Variants in CADM2 observed in about 807,000 individuals in gnomAD.
The protein encoded by CADM2 is cell adhesion molecule 2.
In CADM2, 12 loss-of-function variants were observed where a neutral mutation model predicts 49.8. The observed-to-expected ratio is 0.24, with a 90% confidence interval of 0.15 to 0.39. The LOEUF (loss-of-function observed/expected upper bound fraction) is 0.39. CADM2 is among the 10% of genes least tolerant of loss of function. The pLI is 1.00. For missense variants in CADM2, 378 were observed against 492.3 expected (o/e 0.77, Z 2.20); for synonymous variants, 214 against 175.4 (o/e 1.22, Z -1.74).
chr3:85,058,951 T>G (rs1013509434), intron 1 of CADM2, among the ~76,000 whole-genome samples: 7 of 151,626 alleles, frequency 4.6e-5, no homozygotes, highest in Non-Finnish European at 7.4e-5. Flanking sequence ...ACTAAAAATA[T>G]ATAGTATTCT....
intron 1 of CADM2, among the ~76,000 whole-genome samples, chr3:85,499,308 G>T (rs575092306): frequency 6.6e-6 from 1 of 151,952 alleles, no homozygotes. Flanking sequence ...TCGTTTTTCA[G>T]TCATCATGAC....
intron 1 of CADM2, among the ~76,000 whole-genome samples, chr3:85,283,709 T>G (rs373970443): frequency 6.6e-6 from 1 of 152,262 alleles, no homozygotes; most frequent in African/African-American, 2.4e-5. Flanking sequence ...AAATAGAGTA[T>G]ACTTTGCTTC....
intron 1 of CADM2, among the ~76,000 whole-genome samples, chr3:85,192,808 A>G (rs1241545928): frequency 6.6e-6 from 1 of 151,986 alleles, no homozygotes; most frequent in Non-Finnish European, 1.5e-5. Flanking sequence ...TTAATGTTAG[A>G]TAACAGAGAA....
intron 1 of CADM2, among the ~76,000 whole-genome samples, chr3:85,251,416 A>G (rs533094365): frequency 2.6e-5 from 4 of 152,064 alleles, no homozygotes; most frequent in Admixed American, 2.6e-4. Flanking sequence ...AATGTGTCAC[A>G]TAGACAAGGA....
intron 1 of CADM2, among the ~76,000 whole-genome samples, chr3:85,039,012 A>T (rs1205601833): frequency 6.6e-6 from 1 of 152,116 alleles, no homozygotes; most frequent in Admixed American, 6.6e-5. Context: ...TGTTGTTTTC[A>T]TTATTTTCTT....
chr3:85,347,280 G>A lies in CADM2; in HGVS notation c.62-379242G>A, dbSNP rs184275905. ...TGCAAATTGCAAATTATACTTAATA[G>A]CAATGATCAAAAGGCTGGAGGCATA... On this transcript the variant is annotated intron_variant, in intron 1 of 9. Coordinates refer to ENST00000383699, the MANE Select transcript of CADM2 (RefSeq NM_001167675.2). Among the ~76,000 whole-genome samples, 569 of 127,306 alleles carry A rather than the reference G, an allele frequency of 4.5e-3. 3 individuals are homozygous for A. The highest frequency in any genetic ancestry group is 0.016 in the Middle Eastern group (3 of 182). The allele number at this position is 127,306 out of a possible 152,430, so 83.5% of individuals were successfully genotyped here.
intron 1 of CADM2, among the ~76,000 whole-genome samples, chr3:85,473,326 T>A (rs2038846096): frequency 6.6e-6 from 1 of 152,054 alleles, no homozygotes; most frequent in South Asian, 2.1e-4. Flanking sequence ...TGGACACAGC[T>A]GTCGATAAAA....
At chr3:85,449,721 G>T (rs908018890) in intron 1 of CADM2, among the ~76,000 whole-genome samples, 4 of 151,886 alleles carry the variant, frequency 2.6e-5, no homozygotes, top group African/African-American at 9.7e-5. Context: ...TAAAATTCTC[G>T]TATTTCACAA....
chr3:85,588,369 G>A (rs2107328277), intron 1 of CADM2, among the ~76,000 whole-genome samples: 1 of 151,964 alleles, frequency 6.6e-6, no homozygotes, highest in East Asian at 1.9e-4. Flanking sequence ...TTGATTGGAG[G>A]GAAAATACTC....
intron 1 of CADM2, among the ~76,000 whole-genome samples, chr3:85,611,263 G>C (rs1166828213): frequency 6.7e-6 from 1 of 148,896 alleles, no homozygotes; most frequent in Non-Finnish European, 1.5e-5. Context: ...TTTTTTTTCT[G>C]TGAAAGCATA....
intron 1 of CADM2, among the ~76,000 whole-genome samples, chr3:85,098,184 T>C (rs183159378): frequency 1.2e-3 from 185 of 152,120 alleles, no homozygotes; most frequent in African/African-American, 4.2e-3. Flanking sequence ...GTGCAATCTA[T>C]TGCTTGCTGC....
chr3:85,434,402 T>A (rs1242030105), intron 1 of CADM2, among the ~76,000 whole-genome samples: 1 of 151,944 alleles, frequency 6.6e-6, no homozygotes, highest in Non-Finnish European at 1.5e-5. Flanking sequence ...TGATTATCTT[T>A]GAAAAATTTG....
At chr3:85,466,692 C>T (rs970621350) in intron 1 of CADM2, among the ~76,000 whole-genome samples, 33 of 151,828 alleles carry the variant, frequency 2.2e-4, no homozygotes, top group African/African-American at 7.5e-4. Context: ...AGGAGATAAA[C>T]ATTTTGCCAA....
intron 1 of CADM2, among the ~76,000 whole-genome samples, chr3:85,010,162 A>G (rs527940744): frequency 2.3e-4 from 35 of 152,294 alleles, no homozygotes; most frequent in African/African-American, 7.9e-4. Flanking sequence ...ATAGGGTTGT[A>G]GAAAGTGGAG....
intron 1 of CADM2, among the ~76,000 whole-genome samples, chr3:85,283,706 G>A (rs1259927773): frequency 6.6e-6 from 1 of 152,064 alleles, no homozygotes; most frequent in Non-Finnish European, 1.5e-5. Context: ...ACAAAATAGA[G>A]TATACTTTGC....
chr3:85,745,831 T>C (rs1034163082), intron 2 of CADM2, among the ~76,000 whole-genome samples: 1 of 152,112 alleles, frequency 6.6e-6, no homozygotes, highest in African/African-American at 2.4e-5. Flanking sequence ...CTGAATCGTG[T>C]TGAATATTTT....
intron 1 of CADM2, among the ~76,000 whole-genome samples, chr3:85,488,386 A>G (rs1238658013): frequency 6.6e-6 from 1 of 152,184 alleles, no homozygotes; most frequent in Non-Finnish European, 1.5e-5. Context: ...GCTGAAACCT[A>G]TTAAGATCCA....
chr3:85,818,406 C>G (rs1215236753), intron 3 of CADM2, among the ~76,000 whole-genome samples: 2 of 152,152 alleles, frequency 1.3e-5, no homozygotes, highest in Non-Finnish European at 2.9e-5. Flanking sequence ...GAGGGGGAAG[C>G]CAGCGCTGGT....
chr3:85,262,335 CTCTT>C (rs940642292), intron 1 of CADM2, among the ~76,000 whole-genome samples: 1 of 152,014 alleles, frequency 6.6e-6, no homozygotes, highest in African/African-American at 2.4e-5. Context: ...GCTGTCTAGA[CTCTT>C]TATGATATGC....
Sources: allele counts gnomAD v4.1 joint callset (sites outside exome capture counted in the v4.1 genomes callset), GRCh38; gene constraint gnomAD v4.1.1; transcripts MANE v1.5; gene names NCBI Gene and HGNC (gene_info 2026-07-23, HGNC 2026-07-21).